The following KAZN variants were observed in gnomAD, a reference collection of about 807,000 sequenced individuals.
KAZN encodes kazrin, periplakin interacting protein, also known as kazrin.
In KAZN, 40 loss-of-function variants were observed where a neutral mutation model predicts 87.4. That is an observed-to-expected ratio of 0.46 (90% CI 0.36 to 0.60). KAZN has a LOEUF of 0.60. KAZN is among the 20% of genes least tolerant of loss of function. The pLI, the probability that KAZN is intolerant of heterozygous loss-of-function variation, is 0.00. For missense variants in KAZN, 898 were observed against 1,073.9 expected, an observed-to-expected ratio of 0.84 and a Z score of 2.29; for synonymous variants, 466 against 458.3, an observed-to-expected ratio of 1.02 and a Z score of -0.22.
intron 2 of KAZN, among the ~76,000 whole-genome samples, chr1:14,551,721 A>G (rs74057828): frequency 0.018 from 2,798 of 152,190 alleles, 91 homozygotes; most frequent in African/African-American, 0.064. Flanking sequence ...AAGCCTCCCA[A>G]CCTGGTCCCC....
intron 2 of KAZN, among the ~76,000 whole-genome samples, chr1:14,464,978 C>T (rs1199396911): frequency 2.0e-5 from 3 of 152,078 alleles, no homozygotes; most frequent in Admixed American, 2.0e-4. Flanking sequence ...TATATTACAT[C>T]TCCTGATTTT....
At chr1:14,402,360 G>A (rs1663488980) in intron 2 of KAZN, among the ~76,000 whole-genome samples, 1 of 151,932 alleles carries the variant, frequency 6.6e-6, no homozygotes, top group Admixed American at 6.6e-5. Flanking sequence ...CCAAGCACTT[G>A]TATTTTCTAC....
chr1:14,276,988 T>C (rs1405128664), intron 2 of KAZN, among the ~76,000 whole-genome samples: 1 of 152,228 alleles, frequency 6.6e-6, no homozygotes, highest in Admixed American at 6.5e-5. Context: ...ATTTTCCTTA[T>C]ACAATTGTCC....
Position 14,496,847 on chromosome 1 carries a change from GA to G in KAZN, c.250-102125del, listed in dbSNP as rs374829322. 7.1e-3 allele frequency among the ~76,000 whole-genome samples: 983 copies of G among 138,564 alleles called. 5 individuals are homozygous for G. The highest frequency in any genetic ancestry group is 0.015 in the Middle Eastern group (4 of 274). 90.9% of individuals were successfully genotyped at this position (138,564 alleles called of 152,430 possible). A position where few individuals can be genotyped will look rare whatever the true frequency, so the allele number is the denominator to read the frequency against. ...GCATTTGAAAGGCTTACCAAAAAAA[GA>G]AAAAAAAAAAGCTGGAATTCAAACC... is the stretch of plus-strand genomic sequence containing the variant. On this transcript the variant is annotated intron_variant, in intron 2 of 16. Coordinates refer to the KAZN transcript ENST00000636203.
chr1:14,405,585 C>T (rs995517313), intron 2 of KAZN, among the ~76,000 whole-genome samples: 3 of 148,990 alleles, frequency 2.0e-5, no homozygotes, highest in African/African-American at 7.4e-5. Flanking sequence ...CAGCATCCTC[C>T]AGAAAAACAG....
At chr1:14,322,237 G>A (rs1458176615) in intron 2 of KAZN, among the ~76,000 whole-genome samples, 2 of 152,016 alleles carry the variant, frequency 1.3e-5, no homozygotes, top group Non-Finnish European at 2.9e-5. Flanking sequence ...TCCAGCCTGG[G>A]CAATATGGCA....
At chr1:14,110,307 G>A (rs1290520350) in intron 1 of KAZN, among the ~76,000 whole-genome samples, 1 of 152,020 alleles carries the variant, frequency 6.6e-6, no homozygotes, top group African/African-American at 2.4e-5. Context: ...CTCATTTTTG[G>A]AGGCCAAATC....
intron 1 of KAZN, among the ~76,000 whole-genome samples, chr1:14,074,641 C>T (rs1643378281): frequency 1.3e-5 from 2 of 152,124 alleles, no homozygotes; most frequent in South Asian, 4.1e-4. Flanking sequence ...CAGAGGACAG[C>T]CTAGGACAGG....
At chr1:14,205,884 C>CAAAAAAAAAAAAAAAAAAAAAAAAAAAA (rs70997121) in intron 2 of KAZN, among the ~76,000 whole-genome samples, 1 of 35,220 alleles carries the variant, frequency 2.8e-5, no homozygotes, top group Non-Finnish European at 4.4e-5. Flanking sequence ...GACACTGTCT[C>CAAAAAAAAAAAAAAAAAAAAAAAAAAAA]AAAAAAAAAA....
chr1:15,107,442 T>C (rs78537604), intron 13 of KAZN, among the ~76,000 whole-genome samples: 5,221 of 152,268 alleles, frequency 0.034, 284 homozygotes, highest in African/African-American at 0.12. Context: ...CCAGAATGCC[T>C]TGTGGCACTC....
intron 1 of KAZN, among the ~76,000 whole-genome samples, chr1:14,832,828 A>G (rs763699708): frequency 1.3e-4 from 20 of 152,142 alleles, no homozygotes; most frequent in Non-Finnish European, 1.0e-4. Context: ...AGAGCAATAT[A>G]TCATGACCTG....
intron 2 of KAZN, among the ~76,000 whole-genome samples, chr1:14,393,185 G>A (rs1662602382): frequency 6.6e-6 from 1 of 152,168 alleles, no homozygotes; most frequent in African/African-American, 2.4e-5. Flanking sequence ...CATGCCACAG[G>A]ACTTGTCAGG....
intron 2 of KAZN, among the ~76,000 whole-genome samples, chr1:14,504,371 C>T (rs188743016): frequency 2.6e-4 from 39 of 152,240 alleles, no homozygotes; most frequent in East Asian, 1.9e-3. Context: ...AGAAAAGATA[C>T]GGGAATTCAT....
chr1:14,810,528 C>T (rs1331700899), intron 1 of KAZN, among the ~76,000 whole-genome samples: 1 of 152,124 alleles, frequency 6.6e-6, no homozygotes, highest in African/African-American at 2.4e-5. Context: ...AAAAGGAATA[C>T]TTTAATGAGT....
chr1:15,024,519 T>A (rs1349597794), intron 2 of KAZN, among the ~76,000 whole-genome samples: 1 of 152,226 alleles, frequency 6.6e-6, no homozygotes, highest in Non-Finnish European at 1.5e-5. Flanking sequence ...GTTCCAATGA[T>A]GCTGAGAAAA....
At chr1:14,454,011 T>C (rs1667426183) in intron 2 of KAZN, among the ~76,000 whole-genome samples, 1 of 152,200 alleles carries the variant, frequency 6.6e-6, no homozygotes, top group South Asian at 2.1e-4. Context: ...GACAATATTA[T>C]AGTGAGGTTC....
intron 2 of KAZN, among the ~76,000 whole-genome samples, chr1:14,378,113 C>T (rs1293299981): frequency 6.6e-6 from 1 of 152,144 alleles, no homozygotes; most frequent in African/African-American, 2.4e-5. Context: ...GCTCTTCTAA[C>T]CATTGGGTAT....
At chr1:14,794,513 T>G (rs1302146643) in intron 1 of KAZN, among the ~76,000 whole-genome samples, 2 of 152,176 alleles carry the variant, frequency 1.3e-5, no homozygotes, top group African/African-American at 4.8e-5. Flanking sequence ...GAACAACCAG[T>G]TCTCACTGCG....
intron 1 of KAZN, among the ~76,000 whole-genome samples, chr1:14,797,406 A>C (rs185243268): frequency 6.6e-6 from 1 of 152,266 alleles, no homozygotes; most frequent in African/African-American, 2.4e-5. Flanking sequence ...AAGAAGCGCT[A>C]ACTGGAGACT....
Sources: gnomAD v4.1 joint callset for allele counts (sites outside exome capture counted in the v4.1 genomes callset) on GRCh38, gnomAD v4.1.1 for gene constraint, MANE v1.5 for transcripts, NCBI Gene and HGNC (gene_info 2026-07-23, HGNC 2026-07-21) for gene names.